Variants in HNRNPM observed in about 807,000 individuals in gnomAD.
The protein encoded by HNRNPM is CEA receptor.
Under a neutral mutation model 73.1 loss-of-function variants are expected in HNRNPM, and 11 were observed. The observed-to-expected ratio is 0.15, with a 90% confidence interval of 0.09 to 0.25. The LOEUF (loss-of-function observed/expected upper bound fraction) is 0.25, where lower values mean the gene tolerates loss of function less well. Among genes scored for constraint, HNRNPM ranks in the 10% least tolerant of loss-of-function variants. HNRNPM has a pLI of 1.00. For synonymous variants in HNRNPM, 407 were observed against 355.2 expected (o/e 1.15, Z -1.64); for missense variants, 789 against 1,067.9 (o/e 0.74, Z 3.64).
intron 2 of HNRNPM, among the ~76,000 whole-genome samples, chr19:8,456,395 A>G (rs969058500): frequency 5.9e-5 from 9 of 152,184 alleles, no homozygotes; most frequent in Admixed American, 1.3e-4. Flanking sequence ...GGCACTTAGG[A>G]CTAAAGAGAC....
At chr19:8,487,306 T>C in intron 15 of HNRNPM, 1 of 533,608 alleles carries the variant, frequency 1.9e-6, no homozygotes, top group Non-Finnish European at 3.4e-6. Flanking sequence ...TTTTGAGTCT[T>C]TGAAACAAGG....
rs560885827 is a variant in HNRNPM, at chr19:8,462,384, C to T, written c.284-145C>T. 35 of 709,890 alleles carry T rather than the reference C, an allele frequency of 4.9e-5. No individual in the cohort carries two copies. The highest frequency in any genetic ancestry group is 1.8e-4 in the East Asian group (7 of 39,850). The allele number at this position is 709,890 out of a possible 1,614,324, so 44.0% of individuals were successfully genotyped here. A position where few individuals can be genotyped will look rare whatever the true frequency, so the allele number is the denominator to read the frequency against. On this transcript the variant is annotated intron_variant, in intron 2 of 15. Transcript: ENST00000325495. This position sits in a 1 kb window ranked among gnomAD's most constrained non-coding sequence, Gnocchi z 4.5. ...TACTGCACACCTGTAATGCCTAGTT[C>T]GGTGGTTTAGAGAATATGGAGTGTT...
At chr19:8,486,509 C>G in intron 14 of HNRNPM, 104 bp downstream of exon 14, 1 of 937,722 alleles carries the variant, frequency 1.1e-6, no homozygotes, top group Non-Finnish European at 1.6e-6. Flanking sequence ...CAAAGGGGAC[C>G]ACACCTCCTT....
At chr19:8,446,739 C>T (rs970791515) in intron 1 of HNRNPM, among the ~76,000 whole-genome samples, 1 of 152,150 alleles carries the variant, frequency 6.6e-6, no homozygotes, top group African/African-American at 2.4e-5. Flanking sequence ...TCCCTAAGTG[C>T]TAGCTATATT....
chr19:8,469,188 A>ACTAGACAT (rs1439981286), intron 9 of HNRNPM, among the ~76,000 whole-genome samples: 1 of 152,216 alleles, frequency 6.6e-6, no homozygotes, highest in African/African-American at 2.4e-5. Context: ...AGCAGTGCAC[A>ACTAGACAT]CTAGACATCT....
At chr19:8,468,713 T>C (rs1021520232) in intron 8 of HNRNPM, 61 bp from the exon 9 acceptor site, 14 of 1,308,794 alleles carry the variant, frequency 1.1e-5, no homozygotes, top group South Asian at 2.4e-5. Flanking sequence ...TTTCAGTCTT[T>C]TGCTGTTGCA....
At position 8,463,602 on chromosome 19, in the gene HNRNPM, A is replaced by T; in HGVS notation, c.354A>T (p.Glu118Asp). 6.2e-7 allele frequency: 1 copy of T among 1,613,940 alleles called. No homozygotes were observed. The highest frequency in any genetic ancestry group is 8.5e-7 in the Non-Finnish European group (1 of 1,179,846). Residue 118 changes from glutamate to aspartate, a missense_variant, in exon 5 of 16, where the codon GAA (glutamate) becomes GAT (aspartate). By Grantham distance (45) the Glu-to-Asp change is conservative. Around this residue, in one of 4 missense-constraint regions of HNRNPM, gnomAD observed 63 missense variants for 147.4 expected, o/e 0.43. Coordinates refer to ENST00000325495, the MANE Select transcript of HNRNPM (RefSeq NM_005968.5). Reference sequence around the variant, plus strand: ...CCTTTTGACTCTATAGTGTTGTTGAATTCAAGATGGAAGAGAGCATGAAAA... The same window carrying T: ...CCTTTTGACTCTATAGTGTTGTTGATTTCAAGATGGAAGAGAGCATGAAAA... ...EGKSRGCAVV[E>D]FKMEESMKKA... is the part of the protein sequence containing the mutation.
intron 2 of HNRNPM, among the ~76,000 whole-genome samples, chr19:8,457,085 T>A: frequency 6.6e-6 from 1 of 152,202 alleles, no homozygotes; most frequent in East Asian, 1.9e-4. Context: ...CCATTGATAA[T>A]AAGGTATAGT....
chr19:8,445,273 G>A (rs1437521374), intron 1 of HNRNPM, 162 bp downstream of exon 1: 2 of 519,600 alleles, frequency 3.8e-6, no homozygotes, highest in Non-Finnish European at 6.1e-6. Flanking sequence ...GGCCGTGAGC[G>A]GGGAGCCGGG....
chr19:8,463,987 A>T, intron 5 of HNRNPM: 1 of 285,066 alleles, frequency 3.5e-6, no homozygotes, highest in Admixed American at 4.7e-5. Context: ...ATTAAGTTTT[A>T]CTCCATCTGA....
intron 12 of HNRNPM, among the ~76,000 whole-genome samples, chr19:8,476,576 AAAAGAG>A (rs772556027): frequency 4.6e-4 from 48 of 104,892 alleles, no homozygotes; most frequent in Non-Finnish European, 8.0e-4. Context: ...TAAAAAAAAA[AAAAGAG>A]AGATTGTTAA....
intron 2 of HNRNPM, among the ~76,000 whole-genome samples, chr19:8,457,332 A>T (rs892118164): frequency 1.3e-5 from 2 of 152,180 alleles, no homozygotes; most frequent in Admixed American, 6.5e-5. Context: ...GTTCACCTCA[A>T]TTCACTATTT....
Position 8,471,360 on chromosome 19 carries a change from A to G in HNRNPM, c.930A>G (p.Pro310=), listed in dbSNP as rs1222055254. ...GTGGTATTGGCATGGGGTTAGGACC[A>G]GGAGGGCAACCCATTGATGCCAATC... ...GLGGIGMGLG[P]GGQPIDANHL... is the part of the protein sequence containing the mutation. Residue 310 remains proline (P), a synonymous_variant, in exon 10 of 16, where the codon CCA becomes CCG. Transcript: ENST00000325495. 2.5e-6 allele frequency: 4 copies of G among 1,607,328 alleles called. No individual in the cohort carries two copies. The highest frequency in any genetic ancestry group is 1.7e-4 in the Middle Eastern group (1 of 6,054).
intron 9 of HNRNPM, among the ~76,000 whole-genome samples, chr19:8,469,262 A>T (rs544603520): frequency 2.6e-5 from 4 of 152,312 alleles, no homozygotes; most frequent in South Asian, 4.1e-4. Context: ...GTGTGGATGA[A>T]CCTCGATTTC....
chr19:8,474,631 C>T (rs185581678), intron 12 of HNRNPM, among the ~76,000 whole-genome samples: 1 of 151,934 alleles, frequency 6.6e-6, no homozygotes, highest in East Asian at 1.9e-4. Flanking sequence ...TCTATAGAGG[C>T]GTTAATAAAA....
chr19:8,451,492 T>G (rs183177184), intron 1 of HNRNPM, among the ~76,000 whole-genome samples: 4 of 152,056 alleles, frequency 2.6e-5, no homozygotes, highest in African/African-American at 9.6e-5. Context: ...GACATCACTT[T>G]TATACTATCA....
At chr19:8,478,781 C>T (rs1039611930) in intron 12 of HNRNPM, among the ~76,000 whole-genome samples, 2 of 152,162 alleles carry the variant, frequency 1.3e-5, no homozygotes, top group Non-Finnish European at 2.9e-5. Flanking sequence ...TTCTGGCCCC[C>T]TAGGCCTGGA....
intron 10 of HNRNPM, 93 bp from the exon 11 acceptor site, chr19:8,473,571 T>C: frequency 8.9e-6 from 7 of 784,558 alleles, no homozygotes; most frequent in Non-Finnish European, 1.5e-5. Context: ...TTCTTTTGAG[T>C]TCTTTTGCTG....
In HNRNPM at chr19:8,461,222, T is replaced by A. The variant is rs531186278; in HGVS notation, c.284-1307T>A. 3.9e-5 allele frequency among the ~76,000 whole-genome samples: 6 copies of A among 152,352 alleles called. No homozygotes were observed. In the East Asian group the frequency reaches 1.2e-3, roughly 29 times the overall value. The stretch of plus-strand genomic sequence containing the variant: ...ACTTGGCTTTCTTGCCTTCAACCAA[T>A]GTGCAGAGCCATTAATAAATATGTC... On this transcript the variant is annotated intron_variant, in intron 2 of 15. Transcript: ENST00000325495.
Sources: allele counts gnomAD v4.1 joint callset (sites outside exome capture counted in the v4.1 genomes callset), GRCh38; gene constraint gnomAD v4.1.1; regional missense constraint gnomAD v4.1.1; non-coding constraint Gnocchi (gnomAD v3.1); transcripts MANE v1.5; gene names NCBI Gene and HGNC (gene_info 2026-07-23, HGNC 2026-07-21).